NDUFAF6: variants seen among roughly 807,000 people sequenced by gnomAD.
The protein encoded by NDUFAF6 is NADH dehydrogenase (ubiquinone) complex I, assembly factor 6.
Under a neutral mutation model 40.8 loss-of-function variants are expected in NDUFAF6, and 45 were observed. The ratio of observed to expected loss-of-function variants is 1.10; its 90% CI spans 0.87 to 1.42. NDUFAF6 has a LOEUF of 1.42. Among genes scored for constraint, NDUFAF6 ranks in the 40% most tolerant of loss-of-function variants. The pLI is 0.00. For synonymous variants in NDUFAF6, 185 were observed against 155.9 expected (o/e 1.19, Z -1.39); for missense variants, 435 against 418.5 (o/e 1.04, Z -0.34).
At chr8:95,048,776 A>G (rs1831103123) in intron 7 of NDUFAF6, among the ~76,000 whole-genome samples, 1 of 152,170 alleles carries the variant, frequency 6.6e-6, no homozygotes, top group Non-Finnish European at 1.5e-5. Context: ...CTACTGAGTA[A>G]ATCAAGCCTG....
At position 94,912,632 on chromosome 8, in the gene NDUFAF6, T is replaced by TAA. The variant is rs567408916; in HGVS notation, c.-936+16716_-936+16717dup. ...TGATACAGTGAAACCCTGTCTCTACTAAAAAAAAAAAAGAAAGAAAAATAC... is the reference window on the plus strand; with the variant it reads ...TGATACAGTGAAACCCTGTCTCTACTAAAAAAAAAAAAAAGAAAGAAAAATAC... On this transcript the variant is annotated intron_variant, in intron 1 of 14. Transcript: ENST00000396113. Among the ~76,000 whole-genome samples, 901 of 141,184 alleles carry TAA rather than the reference T, an allele frequency of 6.4e-3. 3 individuals are homozygous for TAA. The highest frequency in any genetic ancestry group is 0.012 in the Admixed American group (175 of 14,026). The allele number at this position is 141,184 out of a possible 152,430, so 92.6% of individuals were successfully genotyped here.
intron 8 of NDUFAF6, among the ~76,000 whole-genome samples, chr8:95,054,810 C>T (rs1208435051): frequency 2.0e-5 from 3 of 152,266 alleles, no homozygotes; most frequent in Middle Eastern, 3.4e-3. Context: ...CTGCTTCTGT[C>T]GTACACCCTC....
At chr8:94,994,713 G>C (rs1826343913) in intron 2 of NDUFAF6, among the ~76,000 whole-genome samples, 1 of 151,830 alleles carries the variant, frequency 6.6e-6, no homozygotes, top group African/African-American at 2.4e-5. Flanking sequence ...TGTACCTGTA[G>C]TCCTAGCTAC....
intron 2 of NDUFAF6, among the ~76,000 whole-genome samples, chr8:94,982,751 G>A (rs963075208): frequency 6.6e-6 from 1 of 152,258 alleles, no homozygotes; most frequent in Non-Finnish European, 1.5e-5. Flanking sequence ...GAGCATGCAT[G>A]TAATAGAAAC....
chr8:95,091,130 G>A (rs903190571), intron 2 of NDUFAF6, among the ~76,000 whole-genome samples: 5 of 151,466 alleles, frequency 3.3e-5, no homozygotes, highest in African/African-American at 1.2e-4. Flanking sequence ...CTTTCCATTC[G>A]CCAAACACCT....
At chr8:95,095,575 C>T (rs993096816), upstream of NDUFAF6, among the ~76,000 whole-genome samples, 2 of 152,106 alleles carry the variant, frequency 1.3e-5, no homozygotes, top group African/African-American at 4.8e-5. Flanking sequence ...GATTGCTCCT[C>T]AGTCTCTCCT....
At chr8:94,930,499 G>A (rs771535529) in intron 1 of NDUFAF6, 2 of 1,614,074 alleles carry the variant, frequency 1.2e-6, no homozygotes, top group African/African-American at 2.7e-5. Context: ...TACTGACGCG[G>A]GCAGGGCTGA....
At chr8:94,998,335 C>G (rs1826552472) in intron 2 of NDUFAF6, among the ~76,000 whole-genome samples, 1 of 151,742 alleles carries the variant, frequency 6.6e-6, no homozygotes, top group South Asian at 2.1e-4. Context: ...ACTATTGTTA[C>G]CCATTTCCTT....
intron 1 of NDUFAF6, among the ~76,000 whole-genome samples, chr8:94,906,283 C>T (rs762833330): frequency 1.3e-5 from 2 of 152,162 alleles, no homozygotes; most frequent in Non-Finnish European, 2.9e-5. Context: ...TATTCACCAT[C>T]CCAGGAACTC....
Position 94,935,163 on chromosome 8 carries a change from A to AGATAGATAGATAGATAGAT in NDUFAF6, c.-935-10308_-935-10307insGATAGATGATAGATAGATA, listed in dbSNP as rs1245615544. ...TAGATAGATAGATAGATAGATAGAT[A>AGATAGATAGATAGATAGAT]GATAGATAGATATAATACAATACTT... On this transcript the variant is annotated intron_variant, in intron 1 of 14. Coordinates refer to the NDUFAF6 transcript ENST00000396113. 4.6e-5 allele frequency among the ~76,000 whole-genome samples: 7 copies of AGATAGATAGATAGATAGAT among 152,192 alleles called. No individual in the cohort carries two copies. In the East Asian group the frequency reaches 1.3e-3, roughly 29 times the overall value.
intron 1 of NDUFAF6, among the ~76,000 whole-genome samples, chr8:94,925,642 G>A (rs1819825202): frequency 6.6e-6 from 1 of 150,992 alleles, no homozygotes. Flanking sequence ...CAGGTTCAAG[G>A]GATTCTCCTG....
chr8:95,116,554 T>C (rs1379300691), downstream of NDUFAF6: 1 of 152,220 alleles, frequency 6.6e-6, no homozygotes, highest in Non-Finnish European at 1.5e-5. Context: ...TCTTGCTGTG[T>C]TGCTCAGGCT....
intron 2 of NDUFAF6, among the ~76,000 whole-genome samples, chr8:95,084,550 T>C (rs1180960066): frequency 6.6e-6 from 1 of 152,322 alleles, no homozygotes; most frequent in East Asian, 1.9e-4. Flanking sequence ...AACACCTGGC[T>C]AGAGTTAACT....
intron 1 of NDUFAF6, among the ~76,000 whole-genome samples, chr8:94,906,917 A>G (rs1415394987): frequency 6.6e-6 from 1 of 152,214 alleles, no homozygotes; most frequent in Non-Finnish European, 1.5e-5. Context: ...AGAAGTTCTT[A>G]ATTGCACCGT....
At chr8:95,074,598 C>T (rs1563854809) in intron 9 of NDUFAF6, among the ~76,000 whole-genome samples, 1 of 152,166 alleles carries the variant, frequency 6.6e-6, no homozygotes, top group Non-Finnish European at 1.5e-5. Context: ...AATAGCAGAG[C>T]ATTTCCTCTG....
chr8:95,094,558 G>A (rs1448087054), intron 2 of NDUFAF6, among the ~76,000 whole-genome samples: 14 of 150,888 alleles, frequency 9.3e-5, no homozygotes, highest in African/African-American at 2.7e-4. Flanking sequence ...GATTACAGGC[G>A]CCTGCCACCA....
At chr8:95,117,987 G>A (rs542707628), downstream of NDUFAF6, among the ~76,000 whole-genome samples, 1 of 152,288 alleles carries the variant, frequency 6.6e-6, no homozygotes, top group African/African-American at 2.4e-5. Context: ...CGGCTGACTG[G>A]GCTAAGCTCG....
At chr8:94,918,567 A>C (rs140154940) in intron 1 of NDUFAF6, among the ~76,000 whole-genome samples, 6 of 152,336 alleles carry the variant, frequency 3.9e-5, no homozygotes, top group Admixed American at 1.3e-4. Flanking sequence ...TCTTGAATAG[A>C]GTTGTCAAAC....
intron 1 of NDUFAF6, among the ~76,000 whole-genome samples, chr8:94,935,128 T>TAGATAGATAGATAG (rs1554630991): frequency 2.8e-5 from 4 of 144,750 alleles, no homozygotes; most frequent in East Asian, 2.0e-4. Flanking sequence ...GGTAGATAGA[T>TAGATAGATAGATAG]ATAGATAGAT....
Sources: allele counts gnomAD v4.1 joint callset (sites outside exome capture counted in the v4.1 genomes callset), GRCh38; gene constraint gnomAD v4.1.1; transcripts MANE v1.5; gene names NCBI Gene and HGNC (gene_info 2026-07-23, HGNC 2026-07-21).